The following ANK2 variants were observed in gnomAD, a reference collection of about 807,000 sequenced individuals.
ANK2 encodes ankyrin-2.
In ANK2, 83 loss-of-function variants were observed where a neutral mutation model predicts 360.5. The ratio of observed to expected loss-of-function variants is 0.23; its 90% CI spans 0.19 to 0.28. The LOEUF is 0.28. ANK2 is among the 10% of genes least tolerant of loss of function. ANK2 has a pLI of 1.00. For synonymous variants in ANK2, 1,740 were observed against 1,759.5 expected, an observed-to-expected ratio of 0.99 and a Z score of 0.28; for missense variants, 4,201 against 4,795.7, an observed-to-expected ratio of 0.88 and a Z score of 3.66.
chr4:112,726,656 C>T, the ANK2 span, among the ~76,000 whole-genome samples: 1 of 151,940 alleles, frequency 6.6e-6, no homozygotes, highest in Non-Finnish European at 1.5e-5. Context: ...TCGAGACCAT[C>T]CTGGCTAACA....
chr4:113,251,416 C>G lies in ANK2; in HGVS notation c.990+1554C>G, dbSNP rs1014139741. On this transcript the variant is annotated intron_variant, in intron 10 of 45. Transcript: ENST00000357077. ...ACTATTATATAATATTGAGTAGATA[C>G]AATTTGCCAGGCAAGTGTTCTAGTC... Among the ~76,000 whole-genome samples the G allele has an allele frequency of 2.8e-5, 4 of 143,790 alleles. No homozygotes were observed. The Admixed American group carries it at 2.8e-4, about 10-fold the overall frequency. 94.3% of individuals were successfully genotyped at this position (143,790 alleles called of 152,430 possible). A position where few individuals can be genotyped will look rare whatever the true frequency, so the allele number is the denominator to read the frequency against.
chr4:113,066,857 G>A (rs2075792294), intron 1 of ANK2, among the ~76,000 whole-genome samples: 1 of 152,136 alleles, frequency 6.6e-6, no homozygotes, highest in Non-Finnish European at 1.5e-5. Flanking sequence ...TGCCTCATCT[G>A]TAAACACTGA....
chr4:113,060,997 A>G (rs906295509), intron 1 of ANK2, among the ~76,000 whole-genome samples: 6 of 152,134 alleles, frequency 3.9e-5, no homozygotes, highest in Non-Finnish European at 8.8e-5. Flanking sequence ...CATGTGCTCC[A>G]TAATCTCATT....
intron 2 of ANK2, among the ~76,000 whole-genome samples, chr4:112,968,730 C>T (rs973247492): frequency 6.6e-5 from 10 of 152,298 alleles, no homozygotes; most frequent in African/African-American, 2.4e-4. Context: ...TATATAGGGA[C>T]ACAATTCTTC....
At chr4:113,250,007 A>G (rs1303621648) in intron 10 of ANK2, 145 bp downstream of exon 10, 4 of 716,344 alleles carry the variant, frequency 5.6e-6, no homozygotes, top group Non-Finnish European at 9.4e-6. Context: ...TATGTATCAA[A>G]CCACTTAAAA....
the ANK2 span, among the ~76,000 whole-genome samples, chr4:112,781,636 A>T: frequency 6.6e-6 from 1 of 152,092 alleles, no homozygotes; most frequent in Non-Finnish European, 1.5e-5. Flanking sequence ...AAAAACACAC[A>T]GACTCTATTT....
chr4:113,067,524 G>A (rs2076058568), intron 1 of ANK2, among the ~76,000 whole-genome samples: 2 of 152,186 alleles, frequency 1.3e-5, no homozygotes, highest in Admixed American at 1.3e-4. Flanking sequence ...TAACACTTGG[G>A]AGGAAGGTCA....
At chr4:112,726,264 C>A in the ANK2 span, among the ~76,000 whole-genome samples, 1 of 152,118 alleles carries the variant, frequency 6.6e-6, no homozygotes, top group East Asian at 1.9e-4. Context: ...ATGGACAGAT[C>A]ATGTTTCGAG....
intron 11 of ANK2, among the ~76,000 whole-genome samples, chr4:113,257,221 TA>T (rs1001395387): frequency 3.9e-5 from 6 of 151,970 alleles, no homozygotes; most frequent in East Asian, 1.9e-4. Flanking sequence ...ATTGTTGAAA[TA>T]AAAAAAATAT....
At chr4:112,996,928 C>G (rs1003917582) in intron 2 of ANK2, among the ~76,000 whole-genome samples, 2 of 152,082 alleles carry the variant, frequency 1.3e-5, no homozygotes, top group Non-Finnish European at 2.9e-5. Context: ...CTCTGGTAAC[C>G]ATCCTTCTCC....
At chr4:112,776,539 T>C in the ANK2 span, among the ~76,000 whole-genome samples, 3 of 152,242 alleles carry the variant, frequency 2.0e-5, no homozygotes, top group African/African-American at 7.2e-5. Context: ...TTTTATTTCC[T>C]GTTTTTAGGA....
chr4:113,061,063 T>C (rs1240650635), intron 1 of ANK2, among the ~76,000 whole-genome samples: 1 of 152,064 alleles, frequency 6.6e-6, no homozygotes, highest in Admixed American at 6.6e-5. Flanking sequence ...GATTGGCCTA[T>C]TACATGGGGC....
chr4:112,705,676 G>C, the ANK2 span, among the ~76,000 whole-genome samples: 1 of 152,214 alleles, frequency 6.6e-6, no homozygotes, highest in Non-Finnish European at 1.5e-5. Flanking sequence ...CCCACCTCCC[G>C]AACTCCGGCA....
At chr4:113,072,765 T>TTTTTTTTG (rs142762570) in intron 1 of ANK2, among the ~76,000 whole-genome samples, 14 of 121,234 alleles carry the variant, frequency 1.2e-4, no homozygotes, top group Non-Finnish European at 1.8e-4. Flanking sequence ...TTTTTTTTTT[T>TTTTTTTTG]GCTGTCTTGT....
At chr4:112,910,240 C>T (rs2086659341) in intron 2 of ANK2, among the ~76,000 whole-genome samples, 1 of 152,170 alleles carries the variant, frequency 6.6e-6, no homozygotes, top group Admixed American at 6.5e-5. Flanking sequence ...CTTCATTTTG[C>T]TTTCCTCAGC....
chr4:113,072,369 G>T (rs1434481965), intron 1 of ANK2, among the ~76,000 whole-genome samples: 1 of 152,192 alleles, frequency 6.6e-6, no homozygotes, highest in African/African-American at 2.4e-5. Context: ...CAGACATAAG[G>T]AGTCACTTAA....
intron 1 of ANK2, among the ~76,000 whole-genome samples, chr4:112,862,807 G>C (rs75138158): frequency 6.6e-6 from 1 of 151,512 alleles, no homozygotes; most frequent in Admixed American, 6.6e-5. Flanking sequence ...CTGTATTCTC[G>C]GCTACTTGAG....
At chr4:113,008,902 C>G (rs1271647454) in intron 2 of ANK2, among the ~76,000 whole-genome samples, 1 of 152,072 alleles carries the variant, frequency 6.6e-6, no homozygotes, top group Admixed American at 6.6e-5. Flanking sequence ...GTGACCACAG[C>G]TAACAAAGAA....
At chr4:113,036,904 A>G (rs938540146) in intron 2 of ANK2, among the ~76,000 whole-genome samples, 14 of 152,074 alleles carry the variant, frequency 9.2e-5, no homozygotes, top group Middle Eastern at 3.4e-3. Context: ...ATTGCCCACT[A>G]TAAAAGATTC....
Sources: allele counts gnomAD v4.1 joint callset (sites outside exome capture counted in the v4.1 genomes callset), GRCh38; gene constraint gnomAD v4.1.1; transcripts MANE v1.5; gene names NCBI Gene and HGNC (gene_info 2026-07-23, HGNC 2026-07-21).